The following PREP variants were observed in gnomAD, a reference collection of about 807,000 sequenced individuals.
PREP encodes the protein dJ355L5.1 (prolyl endopeptidase).
PREP carries 29 observed loss-of-function variants against 87.6 expected under a neutral mutation model. The ratio of observed to expected loss-of-function variants is 0.33; its 90% confidence interval spans 0.25 to 0.45. PREP has a LOEUF of 0.45. Among genes scored for constraint, PREP ranks in the 20% least tolerant of loss-of-function variants. The pLI, the probability that PREP is intolerant of heterozygous loss-of-function variation, is 1.00. For synonymous variants in PREP, 337 were observed against 328.6 expected, an observed-to-expected ratio of 1.03 and a Z score of -0.28; for missense variants, 695 against 886.5, an observed-to-expected ratio of 0.78 and a Z score of 2.74.
chr6:105,346,876 G>A (rs538156383), intron 7 of PREP, among the ~76,000 whole-genome samples: 2 of 152,326 alleles, frequency 1.3e-5, no homozygotes, highest in Admixed American at 6.5e-5. Context: ...TGAGGCAGAC[G>A]GATCACCTGA....
In PREP at chr6:105,276,826, G is replaced by A. The variant is rs900526995; in HGVS notation, c.*1318C>T. Among the ~76,000 whole-genome samples the A allele has an allele frequency of 6.6e-6, 1 of 152,148 alleles. No homozygotes were observed. The highest frequency in any genetic ancestry group is 1.5e-5 in the Non-Finnish European group (1 of 68,010). On this transcript the variant is annotated 3_prime_UTR_variant, in exon 15 of 15. Transcript: ENST00000652536. ...ATTTTTGACCATAACTTGAAACGTA[G>A]AGAATGAGAGAGTGCTCTTAAAAGC... is the stretch of plus-strand genomic sequence containing the variant.
At position 105,398,964 on chromosome 6, in the gene PREP, C is replaced by T. The variant is rs116125415; in HGVS notation, c.46-1037G>A. Among the ~76,000 whole-genome samples the T allele has an allele frequency of 4.8e-3, 735 of 152,018 alleles. 3 individuals carry two copies. The highest frequency in any genetic ancestry group is 8.0e-3 in the Non-Finnish European group (543 of 67,974). On this transcript the variant is annotated intron_variant, in intron 1 of 14. Coordinates refer to ENST00000652536, the MANE Select transcript of PREP (RefSeq NM_002726.5). ...CTCTACTCAAAATTTAAAAATTAGC[C>T]GGGCATGGTGGCAGGTGCTGTAATC...
At chr6:105,350,721 C>T (rs1771927110) in intron 7 of PREP, among the ~76,000 whole-genome samples, 1 of 152,204 alleles carries the variant, frequency 6.6e-6, no homozygotes, top group African/African-American at 2.4e-5. Context: ...CTGATATCCA[C>T]TTGGTGAATA....
chr6:105,297,527 C>T (rs767782318), intron 10 of PREP, among the ~76,000 whole-genome samples: 1 of 152,106 alleles, frequency 6.6e-6, no homozygotes, highest in African/African-American at 2.4e-5. Context: ...TTCCTTTTTC[C>T]CATACTGTAA....
chr6:105,330,498 G>A (rs1481823635), intron 8 of PREP, among the ~76,000 whole-genome samples: 2 of 152,200 alleles, frequency 1.3e-5, no homozygotes, highest in Non-Finnish European at 2.9e-5. Flanking sequence ...AGCTGGGAGA[G>A]CAGGAGTGAG....
intron 1 of PREP, among the ~76,000 whole-genome samples, chr6:105,402,616 G>C (rs894411881): frequency 2.0e-5 from 3 of 152,172 alleles, no homozygotes; most frequent in Non-Finnish European, 4.4e-5. Context: ...GCGGCCGGGC[G>C]GCGCTGCCCA....
In PREP at chr6:105,366,026, C is replaced by T. The variant is rs182650347; in HGVS notation, c.717+2877G>A. On this transcript the variant is annotated intron_variant, in intron 6 of 14. Transcript: ENST00000652536. ...TCCCAGCACTTTGGGAGGCTGAGGCCGGCGGATGACCTGAGGTCAGGAGTT... is the reference window on the plus strand; with the variant it reads ...TCCCAGCACTTTGGGAGGCTGAGGCTGGCGGATGACCTGAGGTCAGGAGTT... Among the ~76,000 whole-genome samples the T allele has an allele frequency of 2.3e-3, 345 of 152,018 alleles. 2 individuals carry two copies. Among genetic ancestry groups the T allele is most frequent in the African/African-American group, 6.7e-3 (279 of 41,470 alleles).
At chr6:105,299,369 C>T (rs962170446) in intron 10 of PREP, among the ~76,000 whole-genome samples, 54 of 152,170 alleles carry the variant, frequency 3.5e-4, no homozygotes, top group African/African-American at 1.3e-3. Flanking sequence ...GAGGCCAAGA[C>T]GGACAGATCA....
chr6:105,359,080 C>T (rs1027207369), intron 6 of PREP, among the ~76,000 whole-genome samples: 2 of 152,180 alleles, frequency 1.3e-5, no homozygotes, highest in Non-Finnish European at 2.9e-5. Flanking sequence ...TAACACGTGC[C>T]ATCAACCACT....
At position 105,274,736 on chromosome 6, in the gene PREP, C is replaced by A. The variant is rs1231371916; in HGVS notation, c.*3408G>T. 6.6e-6 allele frequency among the ~76,000 whole-genome samples: 1 copy of A among 152,174 alleles called. No individual in the cohort carries two copies. Among genetic ancestry groups the A allele is most frequent in the Non-Finnish European group, 1.5e-5 (1 of 68,044 alleles). On this transcript the variant is annotated 3_prime_UTR_variant, in exon 15 of 15. Transcript: ENST00000652536. ...TAAGCTGAGATAGCGCCATTGCACTCCAGCCTGGGCCGTAACAGCAAAACT... is the reference window on the plus strand; with the variant it reads ...TAAGCTGAGATAGCGCCATTGCACTACAGCCTGGGCCGTAACAGCAAAACT...
chr6:105,357,654 T>C (rs1772134737), intron 6 of PREP, among the ~76,000 whole-genome samples: 1 of 152,156 alleles, frequency 6.6e-6, no homozygotes, highest in Admixed American at 6.5e-5. Context: ...AAATATACCT[T>C]CTTCCACTTA....
At chr6:105,302,821 C>T in intron 10 of PREP, 1 of 405,322 alleles carries the variant, frequency 2.5e-6, no homozygotes, top group South Asian at 2.0e-5. Context: ...TGATCTTAGC[C>T]ATTGCTGCAC....
intron 6 of PREP, among the ~76,000 whole-genome samples, chr6:105,356,687 C>T (rs947828121): frequency 3.3e-5 from 5 of 152,174 alleles, no homozygotes; most frequent in African/African-American, 7.2e-5. Flanking sequence ...GTAGGATTTA[C>T]CTCTTTCCTG....
chr6:105,373,294 C>T, intron 5 of PREP, 75 bp downstream of exon 5: 1 of 1,465,536 alleles, frequency 6.8e-7, no homozygotes, highest in South Asian at 1.2e-5. Flanking sequence ...ATGTAGGGTT[C>T]AGCATCTCTT....
At chr6:105,398,589 A>G (rs1773345301) in intron 1 of PREP, among the ~76,000 whole-genome samples, 1 of 152,174 alleles carries the variant, frequency 6.6e-6, no homozygotes, top group Admixed American at 6.5e-5. Flanking sequence ...AGCATCACCC[A>G]TTCAGGTTAC....
At chr6:105,385,368 T>C (rs181429459) in intron 2 of PREP, among the ~76,000 whole-genome samples, 36 of 149,918 alleles carry the variant, frequency 2.4e-4, no homozygotes, top group African/African-American at 8.1e-4. Context: ...CTACAGATAC[T>C]CAAATTTAGA....
At chr6:105,366,152 G>C (rs1031236257) in intron 6 of PREP, among the ~76,000 whole-genome samples, 9 of 152,150 alleles carry the variant, frequency 5.9e-5, no homozygotes, top group Non-Finnish European at 1.2e-4. Context: ...AGCTACTCAG[G>C]AGGGTGAGGC....
chr6:105,290,415 GA>G, intron 10 of PREP, among the ~76,000 whole-genome samples: 1 of 152,036 alleles, frequency 6.6e-6, no homozygotes, highest in South Asian at 2.1e-4. Flanking sequence ...TTCACTGTTC[GA>G]AAAATCATCT....
At chr6:105,334,796 G>C (rs1165296022) in intron 7 of PREP, among the ~76,000 whole-genome samples, 1 of 152,076 alleles carries the variant, frequency 6.6e-6, no homozygotes, top group African/African-American at 2.4e-5. Context: ...TCACAGGCAT[G>C]ATCATAGTTC....
Sources: allele counts gnomAD v4.1 joint callset (sites outside exome capture counted in the v4.1 genomes callset), GRCh38; gene constraint gnomAD v4.1.1; transcripts MANE v1.5; gene names NCBI Gene and HGNC (gene_info 2026-07-23, HGNC 2026-07-21).